SMIM13: variants seen among roughly 807,000 people sequenced by gnomAD.
SMIM13 encodes UPF0766 protein C6orf228.
Under a neutral mutation model 5.9 loss-of-function variants are expected in SMIM13, and 3 were observed. The ratio of observed to expected loss-of-function variants is 0.51; its 90% CI spans 0.23 to 1.31. The LOEUF is 1.31. Ranked by LOEUF, SMIM13 falls within the 40% of genes most tolerant of loss-of-function variation. The pLI is 0.18. For synonymous variants in SMIM13, 55 were observed against 46.0 expected (o/e 1.19, Z -0.79); for missense variants, 85 against 109.9 (o/e 0.77, Z 1.01).
chr6:11,115,753 C>T lies in SMIM13; in HGVS notation c.77-18650C>T, dbSNP rs144573776. ...GGGCTGGGGTGCAATTGCTCAGTCT[C>T]GGCTCACTGCAACCTCTGCCTCCTG... On this transcript the variant is annotated intron_variant, in intron 1 of 1. Transcript: ENST00000416247. Among the ~76,000 whole-genome samples the T allele has an allele frequency of 7.3e-3, 1,094 of 149,254 alleles. 6 individuals are homozygous for T. Among genetic ancestry groups the T allele is most frequent in the African/African-American group, 0.016 (637 of 40,540 alleles).
chr6:11,135,145 T>C lies in SMIM13; in HGVS notation c.*543T>C, dbSNP rs946579980. The C allele has an allele frequency of 5.2e-5, 8 of 152,614 alleles. No individual in the cohort carries two copies. The highest frequency in any genetic ancestry group is 1.9e-4 in the African/African-American group (8 of 41,434). The allele number at this position is 152,614 out of a possible 1,614,324, so 9.5% of individuals were successfully genotyped here. ...AAAAAGATCACACTATGATTCAGCA[T>C]TGAAACGAAAAGTTATTGTGTATGC... On this transcript the variant is annotated 3_prime_UTR_variant, in exon 2 of 2. Transcript: ENST00000416247.
intron 1 of SMIM13, among the ~76,000 whole-genome samples, chr6:11,116,018 T>C (rs919674742): frequency 1.3e-5 from 1 of 77,776 alleles, no homozygotes; most frequent in African/African-American, 7.0e-5. Context: ...CTTTTTTTTT[T>C]TTTTTTTTTT....
chr6:11,103,978 A>G, intron 1 of SMIM13: 1 of 1,551,650 alleles, frequency 6.4e-7, no homozygotes, highest in Non-Finnish European at 8.7e-7. Flanking sequence ...ACTTTTCCTG[A>G]TTGATTTACC....
chr6:11,131,698 A>T (rs1758451467), intron 1 of SMIM13, among the ~76,000 whole-genome samples: 1 of 152,230 alleles, frequency 6.6e-6, no homozygotes, highest in African/African-American at 2.4e-5. Context: ...TCTTTTCAAC[A>T]AATGATCCTG....
intron 1 of SMIM13, among the ~76,000 whole-genome samples, chr6:11,108,630 T>C (rs1758123641): frequency 6.6e-6 from 1 of 152,194 alleles, no homozygotes; most frequent in African/African-American, 2.4e-5. Flanking sequence ...TGCAGGGCAG[T>C]CAGTAGTTGG....
chr6:11,122,469 G>A (rs1412559846), intron 1 of SMIM13, among the ~76,000 whole-genome samples: 2 of 152,182 alleles, frequency 1.3e-5, no homozygotes, highest in Non-Finnish European at 2.9e-5. Flanking sequence ...AGGACTTTTT[G>A]CAGTGTGGAC....
chr6:11,108,737 T>C (rs1042668381), intron 1 of SMIM13, among the ~76,000 whole-genome samples: 1 of 152,234 alleles, frequency 6.6e-6, no homozygotes, highest in African/African-American at 2.4e-5. Flanking sequence ...TTTGCAGATG[T>C]CAGGCATAGG....
chr6:11,120,972 C>T (rs999041514), intron 1 of SMIM13, among the ~76,000 whole-genome samples: 3 of 152,224 alleles, frequency 2.0e-5, no homozygotes, highest in African/African-American at 7.2e-5. Flanking sequence ...AACCCTTCTG[C>T]TGCCAGCATG....
At chr6:11,115,802 A>C (rs900479684) in intron 1 of SMIM13, among the ~76,000 whole-genome samples, 1 of 150,352 alleles carries the variant, frequency 6.7e-6, no homozygotes, top group Non-Finnish European at 1.5e-5. Flanking sequence ...CTCCTGCCTC[A>C]GCCTCCCAAG....
At chr6:11,100,581 T>C (rs1362975204) in intron 1 of SMIM13, among the ~76,000 whole-genome samples, 1 of 152,210 alleles carries the variant, frequency 6.6e-6, no homozygotes, top group Non-Finnish European at 1.5e-5. Flanking sequence ...TCATTATCTT[T>C]TTCAGTTTCC....
At chr6:11,126,565 C>G (rs887471873) in intron 1 of SMIM13, among the ~76,000 whole-genome samples, 1 of 152,176 alleles carries the variant, frequency 6.6e-6, no homozygotes, top group Non-Finnish European at 1.5e-5. Context: ...TGAGCCTCCT[C>G]AAAACAGCTA....
chr6:11,105,305 GC>G (rs1561753205), intron 1 of SMIM13: 2 of 1,610,630 alleles, frequency 1.2e-6, no homozygotes, highest in Non-Finnish European at 1.7e-6. Context: ...GCAGGAGCAG[GC>G]CCATGGTGAC....
At chr6:11,118,844 T>C (rs1178632267) in intron 1 of SMIM13, among the ~76,000 whole-genome samples, 1 of 152,216 alleles carries the variant, frequency 6.6e-6, no homozygotes, top group Non-Finnish European at 1.5e-5. Context: ...TAACTTTTAA[T>C]TACCACATAC....
At chr6:11,127,916 G>C (rs1371174864) in intron 1 of SMIM13, among the ~76,000 whole-genome samples, 1 of 152,216 alleles carries the variant, frequency 6.6e-6, no homozygotes, top group Admixed American at 6.5e-5. Flanking sequence ...CTTCAGGACA[G>C]TGGGCTTCCC....
intron 1 of SMIM13, among the ~76,000 whole-genome samples, chr6:11,097,568 T>C (rs1245067769): frequency 5.3e-5 from 8 of 151,410 alleles, no homozygotes. Context: ...CTCAGGAGGT[T>C]GAGGCAGGAG....
At chr6:11,108,762 G>A (rs533991291) in intron 1 of SMIM13, among the ~76,000 whole-genome samples, 1 of 152,344 alleles carries the variant, frequency 6.6e-6, no homozygotes, top group Non-Finnish European at 1.5e-5. Context: ...CTGGGATCCA[G>A]TGCTAGTTTC....
intron 1 of SMIM13, among the ~76,000 whole-genome samples, chr6:11,126,442 G>C (rs1426196711): frequency 6.6e-6 from 1 of 152,166 alleles, no homozygotes; most frequent in Non-Finnish European, 1.5e-5. Flanking sequence ...GCATTCCTCA[G>C]TATGTCAGTT....
At chr6:11,103,744 T>C in intron 1 of SMIM13, 1 of 1,551,674 alleles carries the variant, frequency 6.4e-7, no homozygotes, top group Non-Finnish European at 8.7e-7. Context: ...GCACTGAGAT[T>C]CGTCTGGAGC....
intron 1 of SMIM13, among the ~76,000 whole-genome samples, chr6:11,096,106 A>ATTGTTT: frequency 6.6e-6 from 1 of 152,254 alleles, no homozygotes; most frequent in Non-Finnish European, 1.5e-5. Flanking sequence ...ATTAAGGAAT[A>ATTGTTT]AGAGAGATGA....
Sources: allele counts gnomAD v4.1 joint callset (sites outside exome capture counted in the v4.1 genomes callset), GRCh38; gene constraint gnomAD v4.1.1; transcripts MANE v1.5; gene names NCBI Gene and HGNC (gene_info 2026-07-23, HGNC 2026-07-21).